The following PWWP2A variants were observed in gnomAD, a reference collection of about 807,000 sequenced individuals.
PWWP2A encodes the protein PWWP domain-containing protein 2A.
PWWP2A carries 18 observed loss-of-function variants against 48.5 expected under a neutral mutation model. That is an observed-to-expected ratio of 0.37 (90% CI 0.26 to 0.55). PWWP2A has a LOEUF of 0.55. Among genes scored for constraint, PWWP2A ranks in the 20% least tolerant of loss-of-function variants. The pLI, the probability that PWWP2A is intolerant of heterozygous loss-of-function variation, is 0.81. For missense variants in PWWP2A, 867 were observed against 976.4 expected (o/e 0.89, Z 1.49); for synonymous variants, 396 against 387.7 (o/e 1.02, Z -0.25).
At chr5:160,109,237 G>A (rs1443744269) in intron 1 of PWWP2A, among the ~76,000 whole-genome samples, 2 of 151,954 alleles carry the variant, frequency 1.3e-5, no homozygotes, top group Middle Eastern at 3.2e-3. Flanking sequence ...ACCCACCTCA[G>A]CCTCCCAAAA....
intron 2 of PWWP2A, among the ~76,000 whole-genome samples, chr5:160,067,257 T>A (rs1402128373): frequency 6.6e-6 from 1 of 152,168 alleles, no homozygotes; most frequent in Non-Finnish European, 1.5e-5. Context: ...TTTAATTTTG[T>A]ATTATGAAAA....
At position 160,095,686 on chromosome 5, in the gene PWWP2A, C is replaced by CTT. The variant is rs11358268; in HGVS notation, c.585-1623_585-1622dup. On this transcript the variant is annotated intron_variant, in intron 1 of 1. Coordinates refer to ENST00000307063, the MANE Select transcript of PWWP2A (RefSeq NM_001130864.2). ...CAGTGCTCAGATTCTCCGAAATGTTCTTTTTTTTTTTTTTTTTTTTTTTTA... is the reference window on the plus strand; with the variant it reads ...CAGTGCTCAGATTCTCCGAAATGTTCTTTTTTTTTTTTTTTTTTTTTTTTTTA... Among the ~76,000 whole-genome samples, 19 of 100,304 alleles carry CTT rather than the reference C, an allele frequency of 1.9e-4. No homozygotes were observed. In the East Asian group the frequency reaches 2.6e-3, roughly 14 times the overall value. The allele number at this position is 100,304 out of a possible 152,430, so 65.8% of individuals were successfully genotyped here.
intron 1 of PWWP2A, among the ~76,000 whole-genome samples, chr5:160,097,079 G>A (rs1191065039): frequency 6.6e-6 from 1 of 152,090 alleles, no homozygotes; most frequent in African/African-American, 2.4e-5. Context: ...GCTCACGTCT[G>A]CAATCCTAAC....
In PWWP2A at chr5:160,081,042, A is replaced by G. The variant is rs1228309512; in HGVS notation, c.1550-272T>C. Among the ~76,000 whole-genome samples the G allele has an allele frequency of 2.6e-5, 4 of 152,150 alleles. No homozygotes were observed. The East Asian group carries it at 7.7e-4, about 29-fold the overall frequency. ...GCAGCAAGATGCAATGGGGCACACCAAGATTCTGCCCTCCAAGCAAACTAA... is the reference window on the plus strand; with the variant it reads ...GCAGCAAGATGCAATGGGGCACACCGAGATTCTGCCCTCCAAGCAAACTAA... On this transcript the variant is annotated intron_variant, in intron 2 of 3. Coordinates refer to the PWWP2A transcript ENST00000456329.
chr5:160,044,580 G>C, the PWWP2A span, among the ~76,000 whole-genome samples: 2 of 152,342 alleles, frequency 1.3e-5, no homozygotes, highest in African/African-American at 4.8e-5. Flanking sequence ...TGCTGGTGGG[G>C]ATGTCTTTTA....
At position 160,092,164 on chromosome 5, in the gene PWWP2A, A is replaced by C; in HGVS notation, c.*218T>G. 2.3e-6 allele frequency: 3 copies of C among 1,309,056 alleles called. No homozygotes were observed. The highest frequency in any genetic ancestry group is 3.6e-5 in the Admixed American group (1 of 27,928). The allele number at this position is 1,309,056 out of a possible 1,614,324, so 81.1% of individuals were successfully genotyped here. On this transcript the variant is annotated 3_prime_UTR_variant, in exon 2 of 2. Transcript: ENST00000307063. Reference sequence around the variant, plus strand: ...TGGTTTCGAACTTCAAAACTGAAAAATACTGCTAAAATCTCACTTCCTTAA... The same window carrying C: ...TGGTTTCGAACTTCAAAACTGAAAACTACTGCTAAAATCTCACTTCCTTAA...
intron 4 of PWWP2A, chr5:160,064,904 C>T: frequency 6.2e-7 from 1 of 1,602,980 alleles, no homozygotes; most frequent in Non-Finnish European, 8.5e-7. Context: ...TTCCTGTATT[C>T]ATTTGAGTTT....
Position 160,092,456 on chromosome 5 carries a change from T to C in PWWP2A, c.2194A>G (p.Ile732Val), listed in dbSNP as rs1324868422. ...TTGGCAGCCTTAGCTGCCTCTGTGA[T>C]AGCCTTGCGATACAGGCCCTTTCTC... The part of the protein sequence containing the change: ...KKRKGLYRKA[I>V]TEAAKAAKQL... The change falls in exon 2 of 2, where the codon ATC becomes GTC. Residue 732 changes from isoleucine (I) to valine (V), a missense_variant. Transcript: ENST00000307063. 3 of 1,551,666 alleles carry C rather than the reference T, an allele frequency of 1.9e-6. No individual in the cohort carries two copies. The highest frequency in any genetic ancestry group is 2.4e-5 in the South Asian group (2 of 84,062).
chr5:160,074,989 G>A (rs532243647), downstream of PWWP2A, among the ~76,000 whole-genome samples: 33 of 151,926 alleles, frequency 2.2e-4, no homozygotes, highest in African/African-American at 7.5e-4. Context: ...ATGAACTTAC[G>A]CTTTCTTATG....
chr5:160,074,153 T>C (rs561799544), downstream of PWWP2A, among the ~76,000 whole-genome samples: 4 of 151,650 alleles, frequency 2.6e-5, no homozygotes, highest in Non-Finnish European at 5.9e-5. Flanking sequence ...AAAAATAACA[T>C]ATTCTGGCCA....
chr5:160,117,614 G>A (rs1038566366), intron 1 of PWWP2A, among the ~76,000 whole-genome samples: 2 of 150,938 alleles, frequency 1.3e-5, no homozygotes, highest in African/African-American at 2.4e-5. Context: ...ACGATATGGC[G>A]CCACTGCACT....
chr5:160,064,327 CTATTGAGG>C (rs1213909366), intron 4 of PWWP2A, among the ~76,000 whole-genome samples: 1 of 152,106 alleles, frequency 6.6e-6, no homozygotes, highest in Non-Finnish European at 1.5e-5. Context: ...GGAGGCTGGA[CTATTGAGG>C]TCTTATTGAG....
the PWWP2A span, among the ~76,000 whole-genome samples, chr5:160,045,454 CCACACACACACA>C: frequency 0.029 from 1,122 of 38,814 alleles, 27 homozygotes; most frequent in Non-Finnish European, 0.033. Context: ...CCCCCACCCT[CCACACACACACA>C]CACACACACA....
chr5:160,049,029 A>G, the PWWP2A span, among the ~76,000 whole-genome samples: 1 of 152,208 alleles, frequency 6.6e-6, no homozygotes, highest in Non-Finnish European at 1.5e-5. Context: ...GTAAATGACA[A>G]GTAGGCAAAA....
At chr5:160,072,984 A>G (rs112629504), downstream of PWWP2A, among the ~76,000 whole-genome samples, 1,107 of 127,020 alleles carry the variant, frequency 8.7e-3, 22 homozygotes, top group African/African-American at 0.031. Context: ...AGCCTGGGCA[A>G]CAAGAGCGAG....
At chr5:160,105,567 A>AAT in intron 1 of PWWP2A, 2 of 421,320 alleles carry the variant, frequency 4.7e-6, no homozygotes, top group Non-Finnish European at 6.3e-6. Flanking sequence ...AAAAAAAAAA[A>AAT]GAACAAAAAT....
intron 2 of PWWP2A, among the ~76,000 whole-genome samples, chr5:160,084,662 C>A (rs1243003697): frequency 6.6e-6 from 1 of 152,008 alleles, no homozygotes; most frequent in East Asian, 1.9e-4. Context: ...AACTCCTGGA[C>A]TCAAATGATG....
intron 2 of PWWP2A, among the ~76,000 whole-genome samples, chr5:160,084,469 C>T (rs1261757732): frequency 6.6e-6 from 1 of 152,158 alleles, no homozygotes; most frequent in African/African-American, 2.4e-5. Flanking sequence ...CACTCTGTCG[C>T]CCAAGCTGGA....
intron 1 of PWWP2A, among the ~76,000 whole-genome samples, chr5:160,107,761 G>A (rs559105519): frequency 2.6e-5 from 4 of 152,014 alleles, no homozygotes; most frequent in African/African-American, 9.7e-5. Flanking sequence ...GCTCATGCCT[G>A]TAATCCCAGC....
Sources: allele counts gnomAD v4.1 joint callset (sites outside exome capture counted in the v4.1 genomes callset), GRCh38; gene constraint gnomAD v4.1.1; transcripts MANE v1.5; gene names NCBI Gene and HGNC (gene_info 2026-07-23, HGNC 2026-07-21).